The following PPP1R12B variants were observed in gnomAD, a reference collection of about 807,000 sequenced individuals.
The protein encoded by PPP1R12B is myosin phosphatase target subunit 2.
A neutral mutation model predicts 126.1 loss-of-function variants in PPP1R12B; 76 were observed. The ratio of observed to expected loss-of-function variants is 0.60; its 90% CI spans 0.50 to 0.73. The LOEUF (loss-of-function observed/expected upper bound fraction) is 0.73. PPP1R12B is among the 30% of genes least tolerant of loss of function. PPP1R12B has a pLI of 0.00. For synonymous variants in PPP1R12B, 356 were observed against 434.7 expected, an observed-to-expected ratio of 0.82 and a Z score of 2.25; for missense variants, 1,052 against 1,205.1, an observed-to-expected ratio of 0.87 and a Z score of 1.88.
intron 1 of PPP1R12B, among the ~76,000 whole-genome samples, chr1:202,381,961 GAC>G (rs1429855036): frequency 6.6e-6 from 1 of 152,170 alleles, no homozygotes; most frequent in Non-Finnish European, 1.5e-5. Flanking sequence ...CTGCTGTAAA[GAC>G]ACATGCACGC....
intron 6 of PPP1R12B, among the ~76,000 whole-genome samples, 196 bp downstream of exon 6, chr1:202,429,125 G>C (rs1237309816): frequency 6.6e-6 from 1 of 152,082 alleles, no homozygotes; most frequent in Non-Finnish European, 1.5e-5. Context: ...TATTGTTCAG[G>C]TTTTTTGCTC....
chr1:202,545,804 C>T (rs1685594153), intron 18 of PPP1R12B, among the ~76,000 whole-genome samples: 1 of 152,040 alleles, frequency 6.6e-6, no homozygotes, highest in African/African-American at 2.4e-5. Flanking sequence ...CAGTACATTA[C>T]AAAGGTAGAA....
intron 1 of PPP1R12B, among the ~76,000 whole-genome samples, chr1:202,383,475 G>C (rs1252273672): frequency 2.0e-5 from 3 of 152,082 alleles, no homozygotes; most frequent in African/African-American, 7.2e-5. Context: ...TGTAATCCCA[G>C]CGCTTTGGGA....
At chr1:202,408,081 C>A (rs1369314943) in intron 1 of PPP1R12B, among the ~76,000 whole-genome samples, 2 of 152,056 alleles carry the variant, frequency 1.3e-5, no homozygotes, top group Non-Finnish European at 2.9e-5. Context: ...AGGAACTTGA[C>A]CCTCAGTGGA....
chr1:202,564,646 A>C, intron 21 of PPP1R12B, 99 bp downstream of exon 21: 1 of 910,864 alleles, frequency 1.1e-6, no homozygotes, highest in Non-Finnish European at 1.7e-6. Flanking sequence ...GATAGAGTCA[A>C]GATCAGGCCT....
At chr1:202,435,255 GC>G (rs1391588752) in intron 9 of PPP1R12B, among the ~76,000 whole-genome samples, 1 of 152,018 alleles carries the variant, frequency 6.6e-6, no homozygotes, top group African/African-American at 2.4e-5. Context: ...CCATAACATT[GC>G]CCCCCAAAAT....
intron 14 of PPP1R12B, among the ~76,000 whole-genome samples, chr1:202,490,483 T>C (rs557547840): frequency 1.3e-5 from 2 of 152,346 alleles, no homozygotes; most frequent in East Asian, 1.9e-4. Context: ...TGGTGAAATA[T>C]ACGTAACATA....
At chr1:202,471,074 C>T (rs957969690) in intron 13 of PPP1R12B, among the ~76,000 whole-genome samples, 1 of 152,140 alleles carries the variant, frequency 6.6e-6, no homozygotes, top group African/African-American at 2.4e-5. Context: ...TCTTGACTCT[C>T]TGCCTAAAAT....
intron 3 of PPP1R12B, among the ~76,000 whole-genome samples, chr1:202,424,471 C>T (rs1273010959): frequency 1.3e-5 from 2 of 151,820 alleles, no homozygotes; most frequent in African/African-American, 2.4e-5. Context: ...TTACAGGCGC[C>T]CACCACTATG....
intron 1 of PPP1R12B, among the ~76,000 whole-genome samples, chr1:202,382,399 G>A (rs990832207): frequency 4.0e-5 from 6 of 149,324 alleles, no homozygotes; most frequent in Non-Finnish European, 8.9e-5. Flanking sequence ...TTGTGCACAT[G>A]TACCCTAGAA....
chr1:202,416,757 T>TTGAA (rs780367309), intron 1 of PPP1R12B, 30 bp from the exon 2 acceptor site: 4 of 1,606,178 alleles, frequency 2.5e-6, no homozygotes, highest in Non-Finnish European at 3.4e-6. Context: ...TGAATACTTG[T>TTGAA]TGAATGAATG....
intron 10 of PPP1R12B, chr1:202,439,197 G>T: frequency 2.0e-6 from 3 of 1,493,810 alleles, no homozygotes; most frequent in Non-Finnish European, 2.8e-6. Flanking sequence ...GACCACTACT[G>T]CGCAGCCCTG....
At chr1:202,401,200 T>G (rs1356395236) in intron 1 of PPP1R12B, among the ~76,000 whole-genome samples, 5 of 151,880 alleles carry the variant, frequency 3.3e-5, no homozygotes, top group Non-Finnish European at 5.9e-5. Flanking sequence ...TTTTCTCTTT[T>G]TTTTTTAGAG....
In PPP1R12B at chr1:202,439,516, C is replaced by T. The variant is rs550934066; in HGVS notation, c.1459-1190C>T. 11 of 1,534,742 alleles carry T rather than the reference C, an allele frequency of 7.2e-6. No individual in the cohort carries two copies. In the African/African-American group the frequency reaches 1.5e-4, roughly 21 times the overall value. On this transcript the variant is annotated intron_variant, in intron 10 of 23. Transcript: ENST00000608999. ...TGGAAGTGGCTGTTTGGGGCGACTG[C>T]TGTTGCCTTGGGGGGTGTGGCGCTC...
intron 11 of PPP1R12B, among the ~76,000 whole-genome samples, chr1:202,441,290 G>A (rs894762743): frequency 6.0e-4 from 92 of 152,198 alleles, no homozygotes; most frequent in African/African-American, 2.0e-3. Context: ...CTTAGCCAGC[G>A]GTATTGGCAT....
At position 202,588,016 on chromosome 1, in the gene PPP1R12B, AGAAG is replaced by A. The variant is rs1689928326; in HGVS notation, c.*7464_*7467del. 3 of 151,988 alleles carry A rather than the reference AGAAG, an allele frequency of 2.0e-5. No homozygotes were observed. The highest frequency in any genetic ancestry group is 1.5e-5 in the Non-Finnish European group (1 of 67,920). The allele number at this position is 151,988 out of a possible 1,614,324, so 9.4% of individuals were successfully genotyped here. A position where few individuals can be genotyped will look rare whatever the true frequency, so the allele number is the denominator to read the frequency against. ...CACACCAGGGCAATGATTTCCCTGC[AGAAG>A]GAAGGAAAGAATGTTTCACCCTTGC... On this transcript the variant is annotated 3_prime_UTR_variant, in exon 24 of 24. Transcript: ENST00000608999.
chr1:202,350,243 ATTT>A (rs916109657), intron 1 of PPP1R12B, among the ~76,000 whole-genome samples: 1 of 150,908 alleles, frequency 6.6e-6, no homozygotes, highest in Non-Finnish European at 1.5e-5. Context: ...TTTTGTACCC[ATTT>A]TTTTTTCCTG....
At chr1:202,389,950 A>G (rs1417184072) in intron 1 of PPP1R12B, among the ~76,000 whole-genome samples, 1 of 150,034 alleles carries the variant, frequency 6.7e-6, no homozygotes, top group Non-Finnish European at 1.5e-5. Flanking sequence ...AAAAAAATCC[A>G]CATGGAATTG....
At chr1:202,470,245 C>T (rs923740913) in intron 13 of PPP1R12B, among the ~76,000 whole-genome samples, 14 of 152,184 alleles carry the variant, frequency 9.2e-5, no homozygotes, top group Non-Finnish European at 1.3e-4. Flanking sequence ...CCCCCTATGG[C>T]GGACCAATTT....
Sources: allele counts gnomAD v4.1 joint callset (sites outside exome capture counted in the v4.1 genomes callset), GRCh38; gene constraint gnomAD v4.1.1; transcripts MANE v1.5; gene names NCBI Gene and HGNC (gene_info 2026-07-23, HGNC 2026-07-21).